C1QTNF1: variants seen among roughly 807,000 people sequenced by gnomAD.
The protein encoded by C1QTNF1 is complement C1q tumor necrosis factor-related protein 1.
C1QTNF1 carries 22 observed loss-of-function variants against 27.8 expected under a neutral mutation model. The observed-to-expected ratio is 0.79, with a 90% CI of 0.56 to 1.13. The LOEUF (loss-of-function observed/expected upper bound fraction) is 1.13. C1QTNF1 is among the 50% of genes most tolerant of loss of function. The probability of loss-of-function intolerance (pLI) is 0.00; values close to 1 mark genes in which losing one functional copy is unlikely to be tolerated. For missense variants in C1QTNF1, 373 were observed against 380.2 expected, an observed-to-expected ratio of 0.98 and a Z score of 0.16; for synonymous variants, 166 against 154.3, an observed-to-expected ratio of 1.08 and a Z score of -0.56.
At chr17:79,047,515 A>C in intron 3 of C1QTNF1, 23 bp from the exon 4 acceptor site, 1 of 1,517,622 alleles carries the variant, frequency 6.6e-7, no homozygotes, top group Non-Finnish European at 8.8e-7. Flanking sequence ...CATTAACAGC[A>C]CGCGTTTTCC....
intron 1 of C1QTNF1, among the ~76,000 whole-genome samples, chr17:79,032,383 C>T (rs969678335): frequency 5.9e-5 from 9 of 152,200 alleles, no homozygotes; most frequent in African/African-American, 2.2e-4. Flanking sequence ...CTGAAAGGGA[C>T]TCACGCGGGG....
Position 79,044,135 on chromosome 17 carries a change from C to T in C1QTNF1, c.155+12C>T, listed in dbSNP as rs771270140. On this transcript the variant is annotated intron_variant, in intron 2 of 3. Coordinates refer to ENST00000579760, the MANE Select transcript of C1QTNF1 (RefSeq NM_030968.5). ...GACCATGCCGAGAGGTGAGGGGCCACGAGGGTGTAATAGCAGGAGCTCTGG... is the reference window on the plus strand; with the variant it reads ...GACCATGCCGAGAGGTGAGGGGCCATGAGGGTGTAATAGCAGGAGCTCTGG... 3.3e-5 allele frequency: 52 copies of T among 1,594,634 alleles called. No individual in the cohort carries two copies. The highest frequency in any genetic ancestry group is 6.7e-5 in the African/African-American group (5 of 74,526).
chr17:79,037,199 G>A (rs868134158), intron 1 of C1QTNF1, among the ~76,000 whole-genome samples: 8 of 152,168 alleles, frequency 5.3e-5, no homozygotes, highest in Non-Finnish European at 1.0e-4. Flanking sequence ...GCATGATCTC[G>A]GCTTAGCACA....
chr17:79,043,762 G>A (rs772690928), intron 1 of C1QTNF1, 193 bp from the exon 2 acceptor site: 1 of 695,682 alleles, frequency 1.4e-6, no homozygotes, highest in Non-Finnish European at 2.6e-6. Context: ...CGTCGTGAGT[G>A]CGTGTATGCA....
intron 1 of C1QTNF1, chr17:79,043,215 T>C: frequency 2.2e-6 from 1 of 446,280 alleles, no homozygotes; most frequent in Non-Finnish European, 4.4e-6. Context: ...GGATTGCATG[T>C]GTGTGTGAAT....
chr17:79,023,850 G>A (rs1040418624), upstream of C1QTNF1, among the ~76,000 whole-genome samples: 11 of 152,222 alleles, frequency 7.2e-5, no homozygotes, highest in African/African-American at 2.7e-4. Context: ...ACCCCTCAGG[G>A]TTGGCCACAG....
Position 79,024,239 on chromosome 17 carries a change from C to T in C1QTNF1, c.-270C>T, listed in dbSNP as rs891517403. 5 of 152,346 alleles carry T rather than the reference C, an allele frequency of 3.3e-5. No individual in the cohort carries two copies. Among genetic ancestry groups the T allele is most frequent in the Non-Finnish European group, 7.3e-5 (5 of 68,104 alleles). 9.4% of individuals were successfully genotyped at this position (152,346 alleles called of 1,614,324 possible). A position where few individuals can be genotyped will look rare whatever the true frequency, so the allele number is the denominator to read the frequency against. Reference sequence around the variant, plus strand: ...CCTCTCTTCCTTTACTTTCGAGAAACCGCGCTTCCGCTTCTGGTCGCAGAG... The same window carrying T: ...CCTCTCTTCCTTTACTTTCGAGAAATCGCGCTTCCGCTTCTGGTCGCAGAG... On this transcript the variant is annotated 5_prime_UTR_variant, in exon 1 of 4. Coordinates refer to ENST00000579760, the MANE Select transcript of C1QTNF1 (RefSeq NM_030968.5).
At chr17:79,028,150 G>A (rs922273565) in intron 1 of C1QTNF1, among the ~76,000 whole-genome samples, 2 of 152,224 alleles carry the variant, frequency 1.3e-5, no homozygotes, top group African/African-American at 2.4e-5. Context: ...GGCAGGAGTC[G>A]AGGGGAGGAG....
At chr17:79,044,232 A>G (rs2072507214) in intron 2 of C1QTNF1, 109 bp downstream of exon 2, 1 of 1,251,084 alleles carries the variant, frequency 8.0e-7, no homozygotes, top group Admixed American at 2.9e-5. Context: ...GAAGGCAAGA[A>G]AGCTGAAGCT....
chr17:79,023,737 C>CACAG (rs1491219499), upstream of C1QTNF1, among the ~76,000 whole-genome samples: 82 of 144,720 alleles, frequency 5.7e-4, no homozygotes, highest in Non-Finnish European at 1.0e-3. Context: ...CACACACACA[C>CACAG]AGTTTGGCAT....
chr17:79,044,102 C>T lies in C1QTNF1; in HGVS notation c.134C>T (p.Ser45Leu), dbSNP rs760839700. 92 of 1,611,352 alleles carry T rather than the reference C, an allele frequency of 5.7e-5. No individual in the cohort carries two copies. The highest frequency in any genetic ancestry group is 7.4e-5 in the Non-Finnish European group (87 of 1,178,412). ...TGGGAGGGGACTGAGGAGCTGCCGT[C>T]GCCTCCGGACCATGCCGAGAGGTGA... ...QEWEGTEELP[S>L]PPDHAERAEE... Residue 45 changes from serine (S) to leucine (L), a missense_variant, in exon 2 of 4, where the codon TCG (serine) becomes TTG (leucine). Transcript: ENST00000579760.
chr17:79,023,872 G>A (rs1228615218), upstream of C1QTNF1, among the ~76,000 whole-genome samples: 1 of 152,224 alleles, frequency 6.6e-6, no homozygotes, highest in Non-Finnish European at 1.5e-5. Context: ...GGATCCCGGA[G>A]GCCTTGGGGC....
At chr17:79,047,468 G>C in intron 3 of C1QTNF1, 70 bp from the exon 4 acceptor site, 1 of 1,431,946 alleles carries the variant, frequency 7.0e-7, no homozygotes, top group South Asian at 1.4e-5. Context: ...GGACCGGAGA[G>C]TGAGCAGCCA....
In C1QTNF1 at chr17:79,046,642, C is replaced by T. The variant is rs1264039016; in HGVS notation, c.243C>T (p.Thr81=). Residue 81 remains threonine, a synonymous_variant, in exon 3 of 4, where the codon ACC becomes ACT. Transcript: ENST00000579760. The surrounding 1 kb of genome is among the most constrained non-coding windows in gnomAD (Gnocchi z 4.8). ...SRCLRCCDPG[T]SMYPATAVPQ... ...GCTTGCGCTGCTGTGACCCCGGTAC[C>T]TCCATGTACCCGGCGACCGCCGTGC... is the stretch of plus-strand genomic sequence containing the variant. 6 of 1,614,176 alleles carry T rather than the reference C, an allele frequency of 3.7e-6. No individual in the cohort carries two copies. The highest frequency in any genetic ancestry group is 5.1e-6 in the Non-Finnish European group (6 of 1,180,016).
chr17:79,027,388 G>T (rs2071997911), intron 1 of C1QTNF1: 1 of 152,304 alleles, frequency 6.6e-6, no homozygotes, highest in African/African-American at 2.4e-5. Flanking sequence ...GCCCACTTTA[G>T]AGAGCAGTCT....
intron 1 of C1QTNF1, among the ~76,000 whole-genome samples, chr17:79,043,072 TGGGTTGCATGTGTGTA>T: frequency 6.6e-6 from 1 of 150,816 alleles, no homozygotes; most frequent in African/African-American, 2.5e-5. Context: ...CATGTGTGTG[TGGGTTGCATGTGTGTA>T]TGTGTGTGCA....
chr17:79,046,197 T>G lies in C1QTNF1; in HGVS notation c.156-358T>G, dbSNP rs191194880. ...TTGCAGACGAGTCAGCTTCATATGT[T>G]ATTTTCTAGCATCACGGATATACGA... is the stretch of plus-strand genomic sequence containing the variant. On this transcript the variant is annotated intron_variant, in intron 2 of 3. Transcript: ENST00000579760. The surrounding 1 kb of genome is among the most constrained non-coding windows in gnomAD (Gnocchi z 4.8). Among the ~76,000 whole-genome samples, 5 of 152,336 alleles carry G rather than the reference T, an allele frequency of 3.3e-5. No homozygotes were observed. Among genetic ancestry groups the G allele is most frequent in the African/African-American group, 1.2e-4 (5 of 41,582 alleles).
chr17:79,045,019 G>A lies in C1QTNF1; in HGVS notation c.155+896G>A, dbSNP rs554259558. 2.6e-5 allele frequency among the ~76,000 whole-genome samples: 4 copies of A among 151,070 alleles called. No individual in the cohort carries two copies. In the East Asian group the frequency reaches 7.7e-4, roughly 29 times the overall value. On this transcript the variant is annotated intron_variant, in intron 2 of 3. Transcript: ENST00000579760. Reference sequence around the variant, plus strand: ...CAGTCCTGGCCTCCAGGAGCTCTGAGGCCGAGAGGGAGATAGACACATGAG... The same window carrying A: ...CAGTCCTGGCCTCCAGGAGCTCTGAAGCCGAGAGGGAGATAGACACATGAG...
At chr17:79,040,724 T>A (rs1308934799) in intron 1 of C1QTNF1, among the ~76,000 whole-genome samples, 1 of 124,050 alleles carries the variant, frequency 8.1e-6, no homozygotes, top group African/African-American at 3.4e-5. Flanking sequence ...TGAAAATTTG[T>A]CTCTACAAAA....
Sources: gnomAD v4.1 joint callset for allele counts (sites outside exome capture counted in the v4.1 genomes callset) on GRCh38, gnomAD v4.1.1 for gene constraint, Gnocchi (gnomAD v3.1) non-coding constraint, MANE v1.5 for transcripts, NCBI Gene and HGNC (gene_info 2026-07-23, HGNC 2026-07-21) for gene names.